DCDC1: variants seen among roughly 807,000 people sequenced by gnomAD.
The protein encoded by DCDC1 is doublecortin domain containing 1, also known as doublecortin domain-containing protein 1.
DCDC1 carries 200 observed loss-of-function variants against 178.3 expected under a neutral mutation model. The ratio of observed to expected loss-of-function variants is 1.12; its 90% CI spans 1.00 to 1.26. The LOEUF is 1.26. Ranked by LOEUF, DCDC1 falls within the 50% of genes most tolerant of loss-of-function variation. The pLI, the probability that DCDC1 is intolerant of heterozygous loss-of-function variation, is 0.00. For synonymous variants in DCDC1, 690 were observed against 604.8 expected, an observed-to-expected ratio of 1.14 and a Z score of -2.07; for missense variants, 1,983 against 1,749.2, an observed-to-expected ratio of 1.13 and a Z score of -2.38.
At chr11:31,289,134 C>T (rs1027891710) in intron 7 of DCDC1, among the ~76,000 whole-genome samples, 3 of 152,048 alleles carry the variant, frequency 2.0e-5, no homozygotes, top group African/African-American at 4.8e-5. Context: ...ATAGCAGTGA[C>T]ATTTTTATTT....
At chr11:31,336,586 G>T (rs530263729) in intron 1 of DCDC1, among the ~76,000 whole-genome samples, 15 of 152,250 alleles carry the variant, frequency 9.9e-5, no homozygotes, top group African/African-American at 3.6e-4. Context: ...TGAAATAATT[G>T]TATTGCAATG....
chr11:31,008,490 T>C (rs1044408710), intron 20 of DCDC1, among the ~76,000 whole-genome samples: 7 of 152,192 alleles, frequency 4.6e-5, no homozygotes, highest in Admixed American at 4.6e-4. Context: ...CCTGTCGCAA[T>C]GCTGAGCCCA....
rs757387149 is a variant in DCDC1 at position 31,064,542 on chromosome 11, C to T, written c.2518G>A (p.Glu840Lys). 1.3e-6 allele frequency: 1 copy of T among 766,022 alleles called. No homozygotes were observed. The highest frequency in any genetic ancestry group is 2.4e-6 in the Non-Finnish European group (1 of 417,614). The allele number at this position is 766,022 out of a possible 1,614,324, so 47.5% of individuals were successfully genotyped here. A position where few individuals can be genotyped will look rare whatever the true frequency, so the allele number is the denominator to read the frequency against. The stretch of plus-strand genomic sequence containing the variant: ...GCTACTGTCAGCTCCCCCGTCTCCT[C>T]AAGAGAACCTTCTGGCATTAAATGG... ...DTHLMPEGSL[E>K]ETGELTVALV... Residue 840 changes from glutamate to lysine, a missense_variant, in exon 20 of 39, where the codon GAG (glutamate) becomes AAG (lysine). Glu to Lys is a moderately conservative substitution (Grantham distance 56). Transcript: ENST00000684477.
chr11:30,942,190 A>T (rs941142009), intron 21 of DCDC1, among the ~76,000 whole-genome samples: 2 of 152,206 alleles, frequency 1.3e-5, no homozygotes, highest in African/African-American at 2.4e-5. Flanking sequence ...AGAATAAATT[A>T]TCAAAGGTTA....
chr11:31,243,601 C>T (rs577698767), intron 8 of DCDC1, among the ~76,000 whole-genome samples: 1 of 151,610 alleles, frequency 6.6e-6, no homozygotes, highest in South Asian at 2.1e-4. Context: ...GATCTAACAA[C>T]AAAAATTCTA....
At chr11:31,265,718 G>T in intron 7 of DCDC1, 118 bp from the exon 8 acceptor site, 1 of 400,950 alleles carries the variant, frequency 2.5e-6, no homozygotes, top group Non-Finnish European at 4.1e-6. Flanking sequence ...AAAATTTAAT[G>T]ATTTATAAAA....
At position 31,148,500 on chromosome 11, in the gene DCDC1, CCT is replaced by C. The variant is rs553592831; in HGVS notation, c.1222-10718_1222-10717del. Among the ~76,000 whole-genome samples, 55 of 151,854 alleles carry C rather than the reference CCT, an allele frequency of 3.6e-4. No individual in the cohort carries two copies. The East Asian group carries it at 9.3e-3, about 26-fold the overall frequency. ...GCCTGGACAACAGAGCAAGAAACAC[CCT>C]GTCTCAAAAAATAAAATAAATAAAT... On this transcript the variant is annotated intron_variant, in intron 9 of 38. Coordinates refer to ENST00000684477, the MANE Select transcript of DCDC1 (RefSeq NM_001387274.1).
rs1176942329 is a variant in DCDC1 at position 31,328,945 on chromosome 11, CTTTTTTT to C, written c.-6-666_-6-660del. Among the ~76,000 whole-genome samples, 4 of 47,796 alleles carry C rather than the reference CTTTTTTT, an allele frequency of 8.4e-5. No individual in the cohort carries two copies. In the South Asian group the frequency reaches 2.4e-3, roughly 28 times the overall value. 31.4% of individuals were successfully genotyped at this position (47,796 alleles called of 152,430 possible). A position where few individuals can be genotyped will look rare whatever the true frequency, so the allele number is the denominator to read the frequency against. On this transcript the variant is annotated intron_variant, in intron 2 of 38. Coordinates refer to ENST00000684477, the MANE Select transcript of DCDC1 (RefSeq NM_001387274.1). ...GTTACTGAAAAAGCACACCACAAGGCTTTTTTTTTTTTTTTTTTTTTTTTTTTTTGTC... is the reference window on the plus strand; with the variant it reads ...GTTACTGAAAAAGCACACCACAAGGCTTTTTTTTTTTTTTTTTTTTTTGTC...
chr11:30,976,104 T>C (rs1017108596), intron 20 of DCDC1, among the ~76,000 whole-genome samples: 2 of 152,122 alleles, frequency 1.3e-5, no homozygotes, highest in Non-Finnish European at 2.9e-5. Context: ...GAACAAACAT[T>C]GGTGAAAAGA....
intron 9 of DCDC1, among the ~76,000 whole-genome samples, chr11:31,178,067 C>A (rs1968303631): frequency 6.6e-6 from 1 of 152,198 alleles, no homozygotes. Flanking sequence ...CATAAAACAG[C>A]TGCAGAATAT....
intron 9 of DCDC1, among the ~76,000 whole-genome samples, chr11:31,191,912 C>T (rs1001292158): frequency 1.3e-5 from 2 of 152,068 alleles, no homozygotes; most frequent in African/African-American, 2.4e-5. Context: ...GTTTATATTA[C>T]GAATAAGTAG....
At chr11:31,246,297 G>A (rs1288685005) in intron 8 of DCDC1, among the ~76,000 whole-genome samples, 2 of 151,948 alleles carry the variant, frequency 1.3e-5, no homozygotes, top group Admixed American at 1.3e-4. Context: ...GACTATGAAA[G>A]AAAAGCACAC....
intron 10 of DCDC1, among the ~76,000 whole-genome samples, chr11:31,130,884 TAAAG>T (rs1962346852): frequency 9.0e-6 from 1 of 111,208 alleles, no homozygotes; most frequent in Non-Finnish European, 2.0e-5. Context: ...GAAAATGAGA[TAAAG>T]AAAACAAAAT....
chr11:31,133,949 C>T (rs761388575), intron 10 of DCDC1, among the ~76,000 whole-genome samples: 16 of 152,140 alleles, frequency 1.1e-4, no homozygotes, highest in Non-Finnish European at 2.2e-4. Context: ...GTGATCTGCC[C>T]GCTTCAGCCT....
At chr11:31,188,461 A>C (rs1005802505) in intron 9 of DCDC1, among the ~76,000 whole-genome samples, 3 of 152,228 alleles carry the variant, frequency 2.0e-5, no homozygotes, top group Non-Finnish European at 4.4e-5. Context: ...ATTATAGAAC[A>C]GAAAGGCAGA....
At chr11:31,007,662 C>CT (rs71955537) in intron 20 of DCDC1, among the ~76,000 whole-genome samples, 14,368 of 150,734 alleles carry the variant, frequency 0.095, 792 homozygotes, top group Middle Eastern at 0.18. Flanking sequence ...AGAAAATAGG[C>CT]TTTTTTTTTC....
At position 30,906,694 on chromosome 11, in the gene DCDC1, C is replaced by G; in HGVS notation, c.3950G>C (p.Arg1317Thr). The G allele has an allele frequency of 6.2e-7, 1 of 1,613,478 alleles. No individual in the cohort carries two copies. The highest frequency in any genetic ancestry group is 2.2e-5 in the East Asian group (1 of 44,840). Residue 1317 changes from arginine to threonine, a missense_variant, in exon 30 of 39, where the codon AGA becomes ACA. Arg to Thr is a moderately conservative substitution (Grantham distance 71). Transcript: ENST00000684477. ...ACAAGCCAAGCAGAGCATAGTTTTT[C>G]TCTTTCCATCAGGTGAGAGATAACA... ...GYCYLSPDGKRKTMLCLACGQ... is the reference protein window; with the variant it reads ...GYCYLSPDGKTKTMLCLACGQ...
intron 20 of DCDC1, among the ~76,000 whole-genome samples, chr11:31,025,189 G>A (rs1364966393): frequency 6.6e-6 from 1 of 151,676 alleles, no homozygotes; most frequent in Non-Finnish European, 1.5e-5. Context: ...CCATTATAAG[G>A]TTACTTGTAA....
At chr11:31,149,442 A>G (rs763190816) in intron 9 of DCDC1, among the ~76,000 whole-genome samples, 89 of 152,156 alleles carry the variant, frequency 5.8e-4, no homozygotes, top group Admixed American at 4.3e-3. Context: ...AAATGGACCA[A>G]TCAGCAGGAT....
Sources: allele counts gnomAD v4.1 joint callset (sites outside exome capture counted in the v4.1 genomes callset), GRCh38; gene constraint gnomAD v4.1.1; transcripts MANE v1.5; gene names NCBI Gene and HGNC (gene_info 2026-07-23, HGNC 2026-07-21).